The following PDZK1 variants were observed in gnomAD, a reference collection of about 807,000 sequenced individuals.
PDZK1 encodes the protein Na(+)/H(+) exchange regulatory cofactor NHE-RF3.
Under a neutral mutation model 38.1 loss-of-function variants are expected in PDZK1, and 23 were observed. The ratio of observed to expected loss-of-function variants is 0.60; its 90% CI spans 0.43 to 0.85. The LOEUF (loss-of-function observed/expected upper bound fraction) is 0.85, where lower values mean the gene tolerates loss of function less well. Ranked by LOEUF, PDZK1 falls within the 40% of genes least tolerant of loss-of-function variation. The pLI is 0.00. For missense variants in PDZK1, 297 were observed against 504.3 expected, an observed-to-expected ratio of 0.59 and a Z score of 3.94; for synonymous variants, 98 against 186.2, an observed-to-expected ratio of 0.53 and a Z score of 3.86.
rs587620327 is a variant in PDZK1 at position 145,677,394 on chromosome 1, A to G, written c.990+1055T>C. Among the ~76,000 whole-genome samples, 15 of 151,022 alleles carry G rather than the reference A, an allele frequency of 9.9e-5. No individual in the cohort carries two copies. The South Asian group carries it at 3.0e-3, about 30-fold the overall frequency. On this transcript the variant is annotated intron_variant, in intron 6 of 8. Coordinates refer to ENST00000417171, the MANE Select transcript of PDZK1 (RefSeq NM_001201325.2). ...CTTTAAGTATGTTAATATATTTTCCATATCTCCTTTCAACTTTAAGCACAT... is the reference window on the plus strand; with the variant it reads ...CTTTAAGTATGTTAATATATTTTCCGTATCTCCTTTCAACTTTAAGCACAT...
At chr1:145,688,284 A>C (rs1553702404) in intron 1 of PDZK1, among the ~76,000 whole-genome samples, 1 of 152,162 alleles carries the variant, frequency 6.6e-6, no homozygotes, top group East Asian at 1.9e-4. Flanking sequence ...CTTCCATTTC[A>C]GTATCTCCAA....
intron 1 of PDZK1, among the ~76,000 whole-genome samples, chr1:145,705,109 G>A (rs928549026): frequency 2.6e-5 from 4 of 151,344 alleles, no homozygotes; most frequent in South Asian, 4.2e-4. Flanking sequence ...TTTTTTTCTC[G>A]AGATGGAGTC....
intron 1 of PDZK1, among the ~76,000 whole-genome samples, chr1:145,696,173 C>A (rs1477733301): frequency 6.6e-6 from 1 of 152,204 alleles, no homozygotes; most frequent in African/African-American, 2.4e-5. Flanking sequence ...CACAACTGTG[C>A]TTTGGGCTCC....
At chr1:145,695,952 T>C (rs1156868426) in intron 1 of PDZK1, among the ~76,000 whole-genome samples, 1 of 152,164 alleles carries the variant, frequency 6.6e-6, no homozygotes, top group Non-Finnish European at 1.5e-5. Flanking sequence ...AAAACACTTC[T>C]TTACACTCAC....
At chr1:145,695,419 G>A (rs1655574524) in intron 1 of PDZK1, among the ~76,000 whole-genome samples, 1 of 151,630 alleles carries the variant, frequency 6.6e-6, no homozygotes, top group African/African-American at 2.4e-5. Context: ...AGACACTGTC[G>A]AAAGAGAGAA....
At chr1:145,683,273 T>C (rs1171012261) in intron 3 of PDZK1, among the ~76,000 whole-genome samples, 2 of 152,370 alleles carry the variant, frequency 1.3e-5, no homozygotes, top group South Asian at 2.1e-4. Flanking sequence ...TTGATTTGAA[T>C]AGAATTTCTG....
chr1:145,699,703 C>T (rs947805414), intron 1 of PDZK1, among the ~76,000 whole-genome samples: 2 of 152,122 alleles, frequency 1.3e-5, no homozygotes, highest in African/African-American at 4.8e-5. Flanking sequence ...TCTAAAGGAG[C>T]CAGATGTGTA....
At chr1:145,702,019 C>T (rs1553705047) in intron 1 of PDZK1, among the ~76,000 whole-genome samples, 1 of 151,996 alleles carries the variant, frequency 6.6e-6, no homozygotes, top group Admixed American at 6.5e-5. Context: ...GTGTACTTTC[C>T]CATTGTGATA....
At chr1:145,674,194 T>C in intron 6 of PDZK1, 1 of 985,390 alleles carries the variant, frequency 1.0e-6, no homozygotes, top group Non-Finnish European at 1.2e-6. Flanking sequence ...GAGTTCATGA[T>C]AGTGAGCAAG....
intron 3 of PDZK1, among the ~76,000 whole-genome samples, chr1:145,685,495 G>A (rs1212447614): frequency 5.9e-5 from 9 of 151,958 alleles, no homozygotes; most frequent in Non-Finnish European, 8.8e-5. Flanking sequence ...CTTCTAAGAC[G>A]TGCCAAGCTT....
intron 6 of PDZK1, chr1:145,674,293 G>A: frequency 3.0e-6 from 3 of 984,854 alleles, no homozygotes; most frequent in Non-Finnish European, 3.6e-6. Flanking sequence ...CATTCTTCTG[G>A]CTTTTCCTTT....
chr1:145,692,903 TGGC>T (rs1286851260), intron 1 of PDZK1, among the ~76,000 whole-genome samples: 1 of 149,316 alleles, frequency 6.7e-6, no homozygotes, highest in African/African-American at 2.5e-5. Context: ...CTGGGTGTGG[TGGC>T]GGCGTGAGGC....
At chr1:145,672,250 C>A (rs1465870665) in intron 8 of PDZK1, among the ~76,000 whole-genome samples, 3 of 152,066 alleles carry the variant, frequency 2.0e-5, no homozygotes, top group South Asian at 2.1e-4. Flanking sequence ...TAACCGTCAC[C>A]ACTTACATGC....
intron 2 of PDZK1, among the ~76,000 whole-genome samples, chr1:145,687,242 G>A (rs587634350): frequency 7.2e-5 from 11 of 151,980 alleles, no homozygotes; most frequent in African/African-American, 1.4e-4. Flanking sequence ...ATTGCTGGCC[G>A]AGCGTGGTGG....
At chr1:145,676,168 G>A (rs1338254009) in intron 6 of PDZK1, 55 of 984,614 alleles carry the variant, frequency 5.6e-5, no homozygotes, top group Middle Eastern at 5.2e-4. Context: ...TTTGGAGAGC[G>A]GGGAAGGAGA....
intron 5 of PDZK1, among the ~76,000 whole-genome samples, chr1:145,679,288 C>T (rs1654011880): frequency 6.6e-6 from 1 of 151,922 alleles, no homozygotes; most frequent in African/African-American, 2.4e-5. Flanking sequence ...TCAGCTCTGC[C>T]CATTCTCCAT....
rs1390773610 is a variant in PDZK1, at chr1:145,682,770, A to C, written c.461-134T>G. 1.7e-5 allele frequency: 20 copies of C among 1,201,566 alleles called. No individual in the cohort carries two copies. In the Admixed American group the frequency reaches 1.9e-4, roughly 12 times the overall value. The allele number at this position is 1,201,566 out of a possible 1,614,324, so 74.4% of individuals were successfully genotyped here. ...GATTTCTACTTCATTTACTGTCCCT[A>C]GTCTAAGAACATGTCAACCTTAATG... On this transcript the variant is annotated intron_variant, in intron 3 of 8. Transcript: ENST00000417171.
At chr1:145,676,928 T>G (rs1553699381) in intron 6 of PDZK1, among the ~76,000 whole-genome samples, 1 of 151,906 alleles carries the variant, frequency 6.6e-6, no homozygotes, top group Non-Finnish European at 1.5e-5. Context: ...ATAGAACATT[T>G]AGATGTGTGA....
rs146512187 is a variant in PDZK1, at chr1:145,698,695, G to A, written c.-3+8622C>T. ...TATAATCCCAGCACTTTGGGAGGCC[G>A]AGACGGGTGAATTACTTGAGGTCAG... On this transcript the variant is annotated intron_variant, in intron 1 of 8. Coordinates refer to ENST00000417171, the MANE Select transcript of PDZK1 (RefSeq NM_001201325.2). Among the ~76,000 whole-genome samples, 442 of 152,206 alleles carry A rather than the reference G, an allele frequency of 2.9e-3. 2 individuals are homozygous for A. The highest frequency in any genetic ancestry group is 0.01 in the African/African-American group (421 of 41,512).
Sources: allele counts gnomAD v4.1 joint callset (sites outside exome capture counted in the v4.1 genomes callset), GRCh38; gene constraint gnomAD v4.1.1; transcripts MANE v1.5; gene names NCBI Gene and HGNC (gene_info 2026-07-23, HGNC 2026-07-21).